The following ANKRD13A variants were observed in gnomAD, a reference collection of about 807,000 sequenced individuals.
ANKRD13A encodes the protein ankyrin repeat domain 13A.
ANKRD13A carries 48 observed loss-of-function variants against 81.3 expected under a neutral mutation model. The ratio of observed to expected loss-of-function variants is 0.59; its 90% CI spans 0.47 to 0.75. The LOEUF is 0.75. Ranked by LOEUF, ANKRD13A falls within the 30% of genes least tolerant of loss-of-function variation. The pLI, the probability that ANKRD13A is intolerant of heterozygous loss-of-function variation, is 0.00. For missense variants in ANKRD13A, 612 were observed against 734.0 expected, an observed-to-expected ratio of 0.83 and a Z score of 1.92; for synonymous variants, 230 against 270.1, an observed-to-expected ratio of 0.85 and a Z score of 1.45.
intron 1 of ANKRD13A, among the ~76,000 whole-genome samples, chr12:110,000,431 A>G (rs1019279409): frequency 1.3e-5 from 2 of 152,162 alleles, no homozygotes; most frequent in African/African-American, 4.8e-5. Context: ...TTTGAGAATC[A>G]CGGGTTCTCA....
At chr12:110,013,734 G>T (rs1293398627) in intron 3 of ANKRD13A, among the ~76,000 whole-genome samples, 1 of 152,106 alleles carries the variant, frequency 6.6e-6, no homozygotes, top group African/African-American at 2.4e-5. Flanking sequence ...CTGAGTGAGG[G>T]TGCAGTGATC....
chr12:110,033,252 CGG>C (rs1285167352), intron 12 of ANKRD13A, among the ~76,000 whole-genome samples: 1 of 146,552 alleles, frequency 6.8e-6, no homozygotes, highest in Non-Finnish European at 1.5e-5. Context: ...TTAGTAGAGA[CGG>C]GGTTTCACCA....
At chr12:110,020,128 G>A (rs1344920809) in intron 6 of ANKRD13A, among the ~76,000 whole-genome samples, 1 of 152,166 alleles carries the variant, frequency 6.6e-6, no homozygotes, top group Non-Finnish European at 1.5e-5. Flanking sequence ...CATCCTGATA[G>A]TATTTGCCTA....
intron 13 of ANKRD13A, among the ~76,000 whole-genome samples, chr12:110,034,845 G>A (rs1891930108): frequency 1.3e-5 from 2 of 152,204 alleles, no homozygotes; most frequent in South Asian, 4.1e-4. Flanking sequence ...GATATTTGCA[G>A]AGTACCTTCT....
chr12:110,020,775 A>G (rs1891037756), intron 6 of ANKRD13A, among the ~76,000 whole-genome samples: 1 of 152,218 alleles, frequency 6.6e-6, no homozygotes, highest in African/African-American at 2.4e-5. Context: ...ATGGGGAGGA[A>G]CTGAGTGCCA....
intron 3 of ANKRD13A, among the ~76,000 whole-genome samples, chr12:110,014,789 C>CTTTTTTT (rs761398140): frequency 7.4e-6 from 1 of 135,708 alleles, no homozygotes; most frequent in East Asian, 2.1e-4. Context: ...CATTTCTCTT[C>CTTTTTTT]TTTTTTTTTT....
chr12:110,036,769 G>T lies in ANKRD13A; in HGVS notation c.1577+441G>T, dbSNP rs559217310. Among the ~76,000 whole-genome samples, 1 of 152,158 alleles carries T rather than the reference G, an allele frequency of 6.6e-6. No homozygotes were observed. The highest frequency in any genetic ancestry group is 2.1e-4 in the South Asian group (1 of 4,822). ...CGTCTCAAAAAAAAAAAAGACTAAA[G>T]TGTTGGCTCTCTTGCTTCCTCTTGT... On this transcript the variant is annotated intron_variant, in intron 14 of 14. Coordinates refer to ENST00000261739, the MANE Select transcript of ANKRD13A (RefSeq NM_033121.2). This position sits in a 1 kb window ranked among gnomAD's most constrained non-coding sequence, Gnocchi z 4.6.
At chr12:110,032,079 G>A (rs550867049) in intron 12 of ANKRD13A, among the ~76,000 whole-genome samples, 3 of 152,178 alleles carry the variant, frequency 2.0e-5, no homozygotes, top group African/African-American at 7.2e-5. Flanking sequence ...GACTGGCTAG[G>A]ACATCTAGTA....
intron 2 of ANKRD13A, 142 bp downstream of exon 2, chr12:110,012,279 C>T: frequency 1.0e-6 from 1 of 962,416 alleles, no homozygotes; most frequent in Non-Finnish European, 1.5e-6. Context: ...GGGGTAGGAT[C>T]ACCTGAGCCC....
At chr12:110,029,425 CT>C in intron 10 of ANKRD13A, 52 bp from the exon 11 acceptor site, 1 of 1,588,750 alleles carries the variant, frequency 6.3e-7, no homozygotes, top group Non-Finnish European at 8.6e-7. Flanking sequence ...CAATAATCTC[CT>C]TTTCCCATCT....
At position 110,018,887 on chromosome 12, in the gene ANKRD13A, A is replaced by G. The variant is rs1321456555; in HGVS notation, c.545-252A>G. 6.6e-6 allele frequency among the ~76,000 whole-genome samples: 1 copy of G among 152,242 alleles called. No homozygotes were observed. Among genetic ancestry groups the G allele is most frequent in the African/African-American group, 2.4e-5 (1 of 41,468 alleles). On this transcript the variant is annotated intron_variant, in intron 5 of 14. Transcript: ENST00000261739. This position sits in a 1 kb window ranked among gnomAD's most constrained non-coding sequence, Gnocchi z 4.4. Reference sequence around the variant, plus strand: ...AAGGACATTGATGGAATATATTGCTAATAAGAATGCAGATTATTAAGAAAA... The same window carrying G: ...AAGGACATTGATGGAATATATTGCTGATAAGAATGCAGATTATTAAGAAAA...
intron 12 of ANKRD13A, chr12:110,032,603 G>C (rs890776913): frequency 6.6e-6 from 1 of 152,134 alleles, no homozygotes; most frequent in Non-Finnish European, 1.5e-5. Flanking sequence ...TCCTAGATGT[G>C]TACCCTAAAG....
At chr12:110,003,507 G>A (rs556499195) in intron 1 of ANKRD13A, among the ~76,000 whole-genome samples, 3 of 152,230 alleles carry the variant, frequency 2.0e-5, no homozygotes, top group Non-Finnish European at 4.4e-5. Flanking sequence ...GGGCCACACA[G>A]GACCAGGATG....
intron 1 of ANKRD13A, among the ~76,000 whole-genome samples, chr12:110,008,892 A>AG (rs1307892331): frequency 2.6e-5 from 4 of 152,160 alleles, no homozygotes; most frequent in Admixed American, 1.3e-4. Context: ...CTGGAAAAAA[A>AG]ACCCATCTGG....
intron 14 of ANKRD13A, 120 bp from the exon 15 acceptor site, chr12:110,037,239 T>C: frequency 1.0e-6 from 1 of 970,000 alleles, no homozygotes; most frequent in South Asian, 1.6e-5. Context: ...TTAATTGGCA[T>C]CATGCATATT....
chr12:110,018,248 A>G lies in ANKRD13A; in HGVS notation c.401-97A>G. ...GTTGTTTGATGGTCACCATCTTGCC[A>G]CTCCCCTCCTTTTATTAAATCAGAA... On this transcript the variant is annotated intron_variant, in intron 4 of 14. Coordinates refer to ENST00000261739, the MANE Select transcript of ANKRD13A (RefSeq NM_033121.2). This position sits in a 1 kb window ranked among gnomAD's most constrained non-coding sequence, Gnocchi z 4.4. 1 of 1,320,662 alleles carries G rather than the reference A, an allele frequency of 7.6e-7. No individual in the cohort carries two copies. Among genetic ancestry groups the G allele is most frequent in the Non-Finnish European group, 1.0e-6 (1 of 960,042 alleles). The allele number at this position is 1,320,662 out of a possible 1,614,324, so 81.8% of individuals were successfully genotyped here. A position where few individuals can be genotyped will look rare whatever the true frequency, so the allele number is the denominator to read the frequency against.
chr12:109,999,411 T>C, upstream of ANKRD13A: 1 of 183,534 alleles, frequency 5.4e-6, no homozygotes, highest in Non-Finnish European at 1.1e-5. This position sits in a 1 kb window ranked among gnomAD's most constrained non-coding sequence, Gnocchi z 4.3. Flanking sequence ...ACTTCCCTGT[T>C]TGGGGCAGTT....
intron 10 of ANKRD13A, 148 bp from the exon 11 acceptor site, chr12:110,029,330 G>A (rs1047500750): frequency 6.1e-6 from 5 of 819,492 alleles, no homozygotes; most frequent in Non-Finnish European, 9.2e-6. Flanking sequence ...TGTGGCCCTA[G>A]ACATTTGACC....
At chr12:110,000,596 G>A (rs1889903457) in intron 1 of ANKRD13A, among the ~76,000 whole-genome samples, 1 of 152,142 alleles carries the variant, frequency 6.6e-6, no homozygotes, top group African/African-American at 2.4e-5. Flanking sequence ...ATTTTTGGTT[G>A]TTGAAAGTGG....
Sources: allele counts gnomAD v4.1 joint callset (sites outside exome capture counted in the v4.1 genomes callset), GRCh38; gene constraint gnomAD v4.1.1; non-coding constraint Gnocchi (gnomAD v3.1); transcripts MANE v1.5; gene names NCBI Gene and HGNC (gene_info 2026-07-23, HGNC 2026-07-21).